GABRG3: variants seen among roughly 807,000 people sequenced by gnomAD.
The protein encoded by GABRG3 is gamma-aminobutyric acid receptor subunit gamma-3.
A neutral mutation model predicts 48.8 loss-of-function variants in GABRG3; 25 were observed. That is an observed-to-expected ratio of 0.51 (90% CI 0.37 to 0.72). GABRG3 has a LOEUF of 0.72. Ranked by LOEUF, GABRG3 falls within the 30% of genes least tolerant of loss-of-function variation. The pLI, the probability that GABRG3 is intolerant of heterozygous loss-of-function variation, is 0.00. For synonymous variants in GABRG3, 227 were observed against 217.6 expected (o/e 1.04, Z -0.38); for missense variants, 394 against 577.9 (o/e 0.68, Z 3.26).
intron 6 of GABRG3, among the ~76,000 whole-genome samples, chr15:27,490,712 C>CAA: frequency 6.6e-6 from 1 of 152,332 alleles, no homozygotes; most frequent in South Asian, 2.1e-4. Context: ...ATAGTTCCTT[C>CAA]CAGACCCCAA....
At position 27,462,012 on chromosome 15, in the gene GABRG3, A is replaced by G. The variant is rs1471358223; in HGVS notation, c.575-18638A>G. On this transcript the variant is annotated intron_variant, in intron 5 of 9. Transcript: ENST00000615808. ...CCATTGTCTGCCATGCTTCTTGGCC[A>G]GTTGCTGCTTCTAGAACCAGTTCTC... 2.6e-5 allele frequency among the ~76,000 whole-genome samples: 4 copies of G among 152,284 alleles called. No homozygotes were observed. The East Asian group carries it at 7.7e-4, about 29-fold the overall frequency.
At chr15:27,375,029 G>T (rs979364393) in intron 5 of GABRG3, among the ~76,000 whole-genome samples, 1 of 152,100 alleles carries the variant, frequency 6.6e-6, no homozygotes, top group Non-Finnish European at 1.5e-5. Context: ...ATGGAGAAAG[G>T]TGGATAATTT....
intron 5 of GABRG3, among the ~76,000 whole-genome samples, chr15:27,368,506 A>G (rs1318719605): frequency 6.6e-6 from 1 of 152,244 alleles, no homozygotes; most frequent in African/African-American, 2.4e-5. Context: ...ATAAGAACAC[A>G]AGAAGAGTAA....
chr15:27,520,249 A>G, intron 7 of GABRG3, 125 bp downstream of exon 7: 1 of 1,009,642 alleles, frequency 9.9e-7, no homozygotes. Context: ...GACTTGAACC[A>G]TGCTTAGAAT....
chr15:27,056,364 AAAAAAAAAAG>A (rs1489328153), intron 3 of GABRG3, among the ~76,000 whole-genome samples: 2 of 151,160 alleles, frequency 1.3e-5, no homozygotes, highest in Non-Finnish European at 3.0e-5. Context: ...AAAAAAAAAA[AAAAAAAAAAG>A]AAAAGAAAAA....
At chr15:27,051,556 A>G (rs1848261154) in intron 3 of GABRG3, among the ~76,000 whole-genome samples, 1 of 152,182 alleles carries the variant, frequency 6.6e-6, no homozygotes, top group African/African-American at 2.4e-5. Context: ...GACTTTATAA[A>G]AGGGACCTCA....
intron 3 of GABRG3, among the ~76,000 whole-genome samples, chr15:27,313,258 GTGTGTATA>G (rs1189737151): frequency 1.7e-4 from 9 of 53,036 alleles, no homozygotes; most frequent in African/African-American, 2.7e-4. Flanking sequence ...GTGTGTGTGT[GTGTGTATA>G]TATATATATA....
chr15:27,054,826 C>T (rs919225635), intron 3 of GABRG3, among the ~76,000 whole-genome samples: 1 of 152,104 alleles, frequency 6.6e-6, no homozygotes, highest in Non-Finnish European at 1.5e-5. Context: ...GCCCTGAGAC[C>T]AGCGGGGAAC....
At chr15:27,101,842 T>TGA (rs1470991730) in intron 3 of GABRG3, among the ~76,000 whole-genome samples, 1 of 72,530 alleles carries the variant, frequency 1.4e-5, no homozygotes, top group African/African-American at 5.4e-5. Context: ...GCTGATGAGC[T>TGA]AAAAAAAAAA....
At chr15:27,102,865 A>G (rs1386390535) in intron 3 of GABRG3, among the ~76,000 whole-genome samples, 1 of 152,232 alleles carries the variant, frequency 6.6e-6, no homozygotes, top group Non-Finnish European at 1.5e-5. Context: ...TACTCCCCCA[A>G]GTACCACCGG....
At chr15:27,424,640 A>G (rs549124011) in intron 5 of GABRG3, among the ~76,000 whole-genome samples, 1 of 146,738 alleles carries the variant, frequency 6.8e-6, no homozygotes, top group African/African-American at 2.5e-5. Flanking sequence ...TGCAACCTCT[A>G]TCTCCCAGGT....
chr15:27,196,921 T>C (rs1853320041), intron 3 of GABRG3, among the ~76,000 whole-genome samples: 1 of 152,236 alleles, frequency 6.6e-6, no homozygotes. Context: ...CTGTTGCCAG[T>C]ATTTAGTATT....
chr15:27,109,389 C>G (rs922202059), intron 3 of GABRG3, among the ~76,000 whole-genome samples: 2 of 152,118 alleles, frequency 1.3e-5, no homozygotes, highest in Admixed American at 6.5e-5. Flanking sequence ...GTTGTACATT[C>G]TGTAGGCTTT....
intron 5 of GABRG3, among the ~76,000 whole-genome samples, chr15:27,330,611 C>G (rs183669244): frequency 2.0e-5 from 3 of 152,342 alleles, no homozygotes; most frequent in Admixed American, 2.0e-4. Context: ...TGCACATGGA[C>G]TTACACAATG....
intron 5 of GABRG3, among the ~76,000 whole-genome samples, chr15:27,356,826 A>G (rs1450984908): frequency 6.6e-6 from 1 of 152,216 alleles, no homozygotes; most frequent in Non-Finnish European, 1.5e-5. Flanking sequence ...TTCTTGATAC[A>G]GGGTTGAGTG....
chr15:27,235,210 A>G (rs1265307316), intron 3 of GABRG3, among the ~76,000 whole-genome samples: 2 of 152,090 alleles, frequency 1.3e-5, no homozygotes, highest in African/African-American at 4.8e-5. Context: ...TGTAAGAAAT[A>G]AAACATAATG....
At chr15:27,158,781 A>T (rs1898499748) in intron 3 of GABRG3, among the ~76,000 whole-genome samples, 1 of 152,240 alleles carries the variant, frequency 6.6e-6, no homozygotes, top group Non-Finnish European at 1.5e-5. Context: ...AAACCATGTC[A>T]TGTGGGGAAT....
intron 5 of GABRG3, among the ~76,000 whole-genome samples, chr15:27,429,652 A>G (rs756742076): frequency 2.0e-5 from 3 of 152,198 alleles, no homozygotes; most frequent in Admixed American, 6.5e-5. Context: ...CTTTGTCTAA[A>G]TGGACGATGT....
At position 27,280,340 on chromosome 15, in the gene GABRG3, C is replaced by T. The variant is rs913135040; in HGVS notation, c.271-46469C>T. 4 of 152,058 alleles carry T rather than the reference C, an allele frequency of 2.6e-5. No individual in the cohort carries two copies. In the South Asian group the frequency reaches 8.3e-4, roughly 32 times the overall value. The allele number at this position is 152,058 out of a possible 1,614,324, so 9.4% of individuals were successfully genotyped here. A position where few individuals can be genotyped will look rare whatever the true frequency, so the allele number is the denominator to read the frequency against. ...TTAAGCCTATAGCACCTGGTGTTTC[C>T]AGGCAGTCTCCTATTCAAGTGCTGA... On this transcript the variant is annotated intron_variant, in intron 3 of 9. Coordinates refer to ENST00000615808, the MANE Select transcript of GABRG3 (RefSeq NM_033223.5).
Sources: gnomAD v4.1 joint callset for allele counts (sites outside exome capture counted in the v4.1 genomes callset) on GRCh38, gnomAD v4.1.1 for gene constraint, MANE v1.5 for transcripts, NCBI Gene and HGNC (gene_info 2026-07-23, HGNC 2026-07-21) for gene names.